Variants in IFT81 observed in about 807,000 individuals in gnomAD.
IFT81 encodes the protein intraflagellar transport 81.
IFT81 carries 72 observed loss-of-function variants against 102.6 expected under a neutral mutation model. The observed-to-expected ratio is 0.70, with a 90% confidence interval of 0.58 to 0.85. IFT81 has a LOEUF of 0.85. Ranked by LOEUF, IFT81 falls within the 40% of genes least tolerant of loss-of-function variation. The probability of loss-of-function intolerance (pLI) is 0.00; values close to 1 mark genes in which losing one functional copy is unlikely to be tolerated. For missense variants in IFT81, 723 were observed against 787.3 expected, an observed-to-expected ratio of 0.92 and a Z score of 0.98; for synonymous variants, 237 against 242.7, an observed-to-expected ratio of 0.98 and a Z score of 0.22.
At chr12:110,215,913 G>A (rs1402786581) in intron 18 of IFT81, among the ~76,000 whole-genome samples, 2 of 152,074 alleles carry the variant, frequency 1.3e-5, no homozygotes, top group Non-Finnish European at 2.9e-5. Context: ...ATTCTAAGAA[G>A]GATTTTGGCT....
chr12:110,146,884 GA>G (rs1266411848), intron 9 of IFT81, 68 bp from the exon 10 acceptor site: 2 of 1,449,828 alleles, frequency 1.4e-6, no homozygotes, highest in African/African-American at 1.4e-5. Flanking sequence ...GGTTTGGCCA[GA>G]CGTCACTTAG....
At chr12:110,207,719 C>G (rs181312187) in intron 17 of IFT81, among the ~76,000 whole-genome samples, 102 of 151,916 alleles carry the variant, frequency 6.7e-4, no homozygotes, top group African/African-American at 2.4e-3. Flanking sequence ...CCCGCCACCA[C>G]GCCTGGCTAA....
chr12:110,139,236 C>T (rs573635862), intron 8 of IFT81, among the ~76,000 whole-genome samples: 2 of 148,574 alleles, frequency 1.3e-5, no homozygotes, highest in South Asian at 4.2e-4. Context: ...CTTTGGGAGG[C>T]TGAGGTGGGA....
At chr12:110,172,159 G>T (rs1896764364) in intron 11 of IFT81, 1 of 152,286 alleles carries the variant, frequency 6.6e-6, no homozygotes, top group Admixed American at 6.5e-5. Context: ...GCCAGACGTG[G>T]TGGCTCAGGC....
chr12:110,178,344 G>A (rs1228248200), intron 11 of IFT81, among the ~76,000 whole-genome samples: 1 of 149,530 alleles, frequency 6.7e-6, no homozygotes, highest in African/African-American at 2.5e-5. Flanking sequence ...AACCTGTGAG[G>A]TGGAGGTTGC....
At chr12:110,144,487 T>TTACAG (rs1256610465) in intron 9 of IFT81, among the ~76,000 whole-genome samples, 2 of 152,012 alleles carry the variant, frequency 1.3e-5, no homozygotes, top group Non-Finnish European at 2.9e-5. Flanking sequence ...AGTGCTGGGA[T>TTACAG]TACAGGCATG....
intron 8 of IFT81, among the ~76,000 whole-genome samples, chr12:110,139,818 T>TAAAATAAAATA (rs1555260154): frequency 9.5e-6 from 1 of 105,500 alleles, no homozygotes; most frequent in African/African-American, 3.6e-5. Flanking sequence ...TAAAATAAAA[T>TAAAATAAAATA]AAATAAAATA....
At chr12:110,186,509 GTTTGTTTTTGT>G (rs1385489408) in intron 12 of IFT81, among the ~76,000 whole-genome samples, 1 of 151,042 alleles carries the variant, frequency 6.6e-6, no homozygotes, top group African/African-American at 2.4e-5. Context: ...TTTTTTATTT[GTTTGTTTTTGT>G]TTTGTTTTTT....
At chr12:110,173,040 C>T (rs1360004765) in intron 11 of IFT81, among the ~76,000 whole-genome samples, 3 of 141,170 alleles carry the variant, frequency 2.1e-5, no homozygotes, top group East Asian at 4.3e-4. Context: ...AGGTGAGGGG[C>T]GCCTCTGCCC....
chr12:110,133,123 A>G (rs1403975460), intron 5 of IFT81, among the ~76,000 whole-genome samples: 1 of 151,314 alleles, frequency 6.6e-6, no homozygotes, highest in Non-Finnish European at 1.5e-5. Flanking sequence ...GGCATGCGCC[A>G]CCATGCCCAG....
chr12:110,185,667 T>C (rs1897497556), intron 12 of IFT81, among the ~76,000 whole-genome samples: 1 of 152,120 alleles, frequency 6.6e-6, no homozygotes, highest in Non-Finnish European at 1.5e-5. Flanking sequence ...AATGTAATGG[T>C]ACAGTCAGAG....
intron 10 of IFT81, among the ~76,000 whole-genome samples, chr12:110,158,155 C>A (rs1159955728): frequency 1.3e-5 from 2 of 152,146 alleles, no homozygotes; most frequent in Admixed American, 6.6e-5. Context: ...ACTGCAACCT[C>A]CACCTCCTGG....
chr12:110,143,590 C>T, intron 9 of IFT81, 45 bp downstream of exon 9: 1 of 1,435,542 alleles, frequency 7.0e-7, no homozygotes, highest in East Asian at 2.5e-5. Context: ...TTATCTGATC[C>T]CCAGTCCTAT....
At chr12:110,128,711 C>T (rs1352181578) in intron 3 of IFT81, among the ~76,000 whole-genome samples, 1 of 146,388 alleles carries the variant, frequency 6.8e-6, no homozygotes, top group Admixed American at 7.1e-5. Flanking sequence ...GTGGGAGGTT[C>T]ACCTGAGCCA....
At chr12:110,197,555 C>CATATATATATATATATATAT (rs141544205) in intron 14 of IFT81, among the ~76,000 whole-genome samples, 46 of 108,792 alleles carry the variant, frequency 4.2e-4, no homozygotes, top group Non-Finnish European at 7.1e-4. Flanking sequence ...AGGTTTTTAT[C>CATATATATATATATATATAT]ATATATATAT....
rs547566710 is a variant in IFT81, at chr12:110,126,672, C to G, written c.-21-688C>G. On this transcript the variant is annotated intron_variant, in intron 1 of 18. Transcript: ENST00000242591. ...AGTCTGGAAATCCAAGAAGTTTGAGCTGTATTTTGTGCGCAATAAGGAGCA... is the reference window on the plus strand; with the variant it reads ...AGTCTGGAAATCCAAGAAGTTTGAGGTGTATTTTGTGCGCAATAAGGAGCA... Among the ~76,000 whole-genome samples, 8 of 152,244 alleles carry G rather than the reference C, an allele frequency of 5.3e-5. No homozygotes were observed. The South Asian group carries it at 1.5e-3, about 28-fold the overall frequency.
chr12:110,173,235 G>A (rs1896859368), intron 11 of IFT81, among the ~76,000 whole-genome samples: 2 of 148,276 alleles, frequency 1.3e-5, no homozygotes, highest in Non-Finnish European at 3.0e-5. Flanking sequence ...CCCCCACCCG[G>A]CCAGCCGCCC....
chr12:110,195,502 TA>T (rs1244112600), intron 14 of IFT81, among the ~76,000 whole-genome samples: 1 of 152,140 alleles, frequency 6.6e-6, no homozygotes, highest in Non-Finnish European at 1.5e-5. Context: ...CTCTAGCAAT[TA>T]AAAAAATGAG....
chr12:110,181,178 G>T (rs1897304825), intron 12 of IFT81, among the ~76,000 whole-genome samples: 2 of 152,254 alleles, frequency 1.3e-5, no homozygotes, highest in South Asian at 4.1e-4. Context: ...GAAGTAAGTG[G>T]AATTTCAACC....
Sources: allele counts gnomAD v4.1 joint callset (sites outside exome capture counted in the v4.1 genomes callset), GRCh38; gene constraint gnomAD v4.1.1; transcripts MANE v1.5; gene names NCBI Gene and HGNC (gene_info 2026-07-23, HGNC 2026-07-21).